Variants in PRH1 observed in about 807,000 individuals in gnomAD.
The protein encoded by PRH1 is proline rich protein HaeIII subfamily 1, also known as salivary acidic proline-rich phosphoprotein 1/2.
Under a neutral mutation model 7.9 loss-of-function variants are expected in PRH1, and 7 were observed. That is an observed-to-expected ratio of 0.89 (90% confidence interval 0.50 to 1.67). The LOEUF is 1.67. PRH1 is among the 40% of genes most tolerant of loss of function. The probability of loss-of-function intolerance (pLI) is 0.00; values close to 1 mark genes in which losing one functional copy is unlikely to be tolerated. For missense variants in PRH1, 109 were observed against 223.6 expected (o/e 0.49, Z 3.27); for synonymous variants, 45 against 80.8 (o/e 0.56, Z 2.38).
At chr12:11,167,590 G>A (rs1027049614) in intron 1 of PRH1, among the ~76,000 whole-genome samples, 4 of 151,876 alleles carry the variant, frequency 2.6e-5, no homozygotes, top group Admixed American at 1.3e-4. Context: ...GACTACAGGC[G>A]CCTGCCACCA....
At chr12:11,011,392 A>C (rs1028217624) in intron 1 of PRH1, among the ~76,000 whole-genome samples, 7 of 152,148 alleles carry the variant, frequency 4.6e-5, no homozygotes, top group African/African-American at 1.7e-4. Flanking sequence ...AAAACAGCTC[A>C]ATTAAATTTC....
At chr12:11,024,209 T>C (rs1941798523) in intron 1 of PRH1, among the ~76,000 whole-genome samples, 1 of 152,110 alleles carries the variant, frequency 6.6e-6, no homozygotes, top group Non-Finnish European at 1.5e-5. Context: ...ATAATTTTCA[T>C]GGACCATTTC....
At chr12:11,064,667 C>T (rs759304985) in intron 1 of PRH1, among the ~76,000 whole-genome samples, 1 of 152,108 alleles carries the variant, frequency 6.6e-6, no homozygotes, top group Non-Finnish European at 1.5e-5. Context: ...ATTACCCCAA[C>T]AAGACATTAT....
intron 1 of PRH1, among the ~76,000 whole-genome samples, chr12:10,998,540 A>G (rs1940415884): frequency 1.3e-5 from 2 of 152,142 alleles, no homozygotes; most frequent in South Asian, 4.1e-4. Flanking sequence ...ACACACACAC[A>G]GACACACACA....
At chr12:10,998,250 C>T (rs1485859815) in intron 1 of PRH1, among the ~76,000 whole-genome samples, 1 of 152,070 alleles carries the variant, frequency 6.6e-6, no homozygotes, top group East Asian at 1.9e-4. Context: ...CCTTGTTTCA[C>T]CTTTCCATAA....
chr12:11,047,146 T>C lies in PRH1; in HGVS notation c.-252A>G, dbSNP rs1319804419. On this transcript the variant is annotated 5_prime_UTR_variant, in exon 1 of 4. Transcript: ENST00000539853. ...AATGTTTAAAAAGCTGGCGCCTTCT[T>C]GTCACATGTGCCCTTGGGGCCTTGA... is the stretch of plus-strand genomic sequence containing the variant. 3 of 439,094 alleles carry C rather than the reference T, an allele frequency of 6.8e-6. No homozygotes were observed. The East Asian group carries it at 2.2e-4, about 32-fold the overall frequency. 27.2% of individuals were successfully genotyped at this position (439,094 alleles called of 1,614,324 possible).
intron 1 of PRH1, among the ~76,000 whole-genome samples, chr12:11,144,677 C>T (rs952918107): frequency 6.6e-6 from 1 of 152,312 alleles, no homozygotes; most frequent in Middle Eastern, 3.4e-3. Flanking sequence ...GGGGGTTTTA[C>T]CCCCTGCTCC....
At chr12:11,108,273 A>T (rs1565660930) in intron 1 of PRH1, among the ~76,000 whole-genome samples, 1 of 152,236 alleles carries the variant, frequency 6.6e-6, no homozygotes, top group Non-Finnish European at 1.5e-5. Flanking sequence ...AGGAGACAGA[A>T]AACACAGACT....
chr12:11,103,779 C>T, intron 1 of PRH1, among the ~76,000 whole-genome samples: 1 of 152,102 alleles, frequency 6.6e-6, no homozygotes, highest in East Asian at 1.9e-4. Flanking sequence ...ACACAAATTT[C>T]TAAGCACACA....
rs138755736 is a variant in PRH1 at position 11,044,667 on chromosome 12, T to C, written c.-126+2353A>G. On this transcript the variant is annotated intron_variant, in intron 1 of 3. Transcript: ENST00000539853. The stretch of plus-strand genomic sequence containing the variant: ...AATATGCATTTCTCAAAAGAAGATA[T>C]ACAAATGTCAAACACACATATGAAA... 2.0e-3 allele frequency among the ~76,000 whole-genome samples: 298 copies of C among 152,154 alleles called. 3 individuals are homozygous for C. In the South Asian group the frequency reaches 0.021, roughly 11 times the overall value.
Position 10,963,169 on chromosome 12 carries a change from A to G in PRH1, c.-59+10486T>C, listed in dbSNP as rs113373238. On this transcript the variant is annotated intron_variant, in intron 2 of 3. Transcript: ENST00000539853. ...TGATTTATCTCAAGGTTTAGATAAC[A>G]TTGTTAAAATTTCATAACTCCGAGA... Among the ~76,000 whole-genome samples the G allele has an allele frequency of 2.5e-3, 376 of 152,364 alleles. 3 individuals are homozygous for G. Among genetic ancestry groups the G allele is most frequent in the African/African-American group, 8.4e-3 (349 of 41,582 alleles).
intron 2 of PRH1, among the ~76,000 whole-genome samples, chr12:10,914,929 C>G (rs1949952350): frequency 6.6e-6 from 1 of 152,150 alleles, no homozygotes; most frequent in Non-Finnish European, 1.5e-5. Context: ...GAGATCGAGA[C>G]CACCCTGGCT....
At chr12:11,111,818 G>A (rs1377663834) in intron 1 of PRH1, among the ~76,000 whole-genome samples, 1 of 152,148 alleles carries the variant, frequency 6.6e-6, no homozygotes, top group African/African-American at 2.4e-5. Flanking sequence ...ACAACTGAAG[G>A]AGATAGAAAC....
chr12:10,929,363 G>T, intron 2 of PRH1: 1 of 1,614,060 alleles, frequency 6.2e-7, no homozygotes, highest in Non-Finnish European at 8.5e-7. Context: ...GGAAGATATT[G>T]TGACTCTGAT....
At chr12:10,931,021 G>A in intron 2 of PRH1, 1 of 1,593,298 alleles carries the variant, frequency 6.3e-7, no homozygotes, top group South Asian at 1.1e-5. Flanking sequence ...TCCCCAAGGG[G>A]GCCGCCCACA....
At chr12:10,943,794 C>T (rs1468659663) in intron 2 of PRH1, among the ~76,000 whole-genome samples, 3 of 152,168 alleles carry the variant, frequency 2.0e-5, no homozygotes, top group African/African-American at 7.2e-5. Context: ...AGATAGCTAG[C>T]CAGTTATCCC....
rs1354578624 is a variant in PRH1, at chr12:11,081,959, A to T, written n.124-34771T>A. Among the ~76,000 whole-genome samples, 590 of 86,670 alleles carry T rather than the reference A, an allele frequency of 6.8e-3. 2 individuals are homozygous for T. The highest frequency in any genetic ancestry group is 0.015 in the Middle Eastern group (3 of 194). The allele number at this position is 86,670 out of a possible 152,430, so 56.9% of individuals were successfully genotyped here. A position where few individuals can be genotyped will look rare whatever the true frequency, so the allele number is the denominator to read the frequency against. On this transcript the variant is annotated intron_variant and non_coding_transcript_variant, in intron 1 of 4. Coordinates refer to the PRH1 transcript ENST00000541977. ...AAAATCTTTTCATAGTGTTACATGG[A>T]TTAGTTTAATATAATTTATAATTGT...
At chr12:11,053,196 A>G (rs1339514113) in intron 1 of PRH1, among the ~76,000 whole-genome samples, 1 of 152,246 alleles carries the variant, frequency 6.6e-6, no homozygotes, top group East Asian at 1.9e-4. Context: ...TAGTTCATTA[A>G]CCACAGATAC....
At chr12:11,021,057 T>C (rs1214146616) in intron 1 of PRH1, among the ~76,000 whole-genome samples, 1 of 152,000 alleles carries the variant, frequency 6.6e-6, no homozygotes, top group Non-Finnish European at 1.5e-5. Flanking sequence ...TAGTATTCTT[T>C]AGTACTGTTT....
Sources: allele counts gnomAD v4.1 joint callset (sites outside exome capture counted in the v4.1 genomes callset), GRCh38; gene constraint gnomAD v4.1.1; transcripts MANE v1.5; gene names NCBI Gene and HGNC (gene_info 2026-07-23, HGNC 2026-07-21).